ADARB2: variants seen among roughly 807,000 people sequenced by gnomAD.
The protein encoded by ADARB2 is inactive double-stranded RNA-specific editase B2.
A neutral mutation model predicts 62.2 loss-of-function variants in ADARB2; 25 were observed. That is an observed-to-expected ratio of 0.40 (90% confidence interval 0.29 to 0.56). ADARB2 has a LOEUF of 0.56. Among genes scored for constraint, ADARB2 ranks in the 20% least tolerant of loss-of-function variants. The pLI is 0.43. For synonymous variants in ADARB2, 572 were observed against 500.8 expected, an observed-to-expected ratio of 1.14 and a Z score of -1.90; for missense variants, 1,071 against 1,077.4, an observed-to-expected ratio of 0.99 and a Z score of 0.08.
intron 1 of ADARB2, among the ~76,000 whole-genome samples, chr10:1,417,492 A>G (rs1832815071): frequency 6.6e-6 from 1 of 152,198 alleles, no homozygotes; most frequent in Non-Finnish European, 1.5e-5. Flanking sequence ...AGGGTTGTGG[A>G]AGGATGGATT....
At chr10:1,473,224 T>C (rs1032493793) in intron 1 of ADARB2, among the ~76,000 whole-genome samples, 2 of 152,228 alleles carry the variant, frequency 1.3e-5, no homozygotes, top group Admixed American at 1.3e-4. Context: ...CTCTCACTCC[T>C]GCTCTAAAAC....
At chr10:1,553,766 A>C (rs1832662339) in intron 1 of ADARB2, among the ~76,000 whole-genome samples, 1 of 152,154 alleles carries the variant, frequency 6.6e-6, no homozygotes, top group East Asian at 1.9e-4. Context: ...CAGGCAGAAG[A>C]CACTTGTGCT....
At chr10:1,567,454 C>T (rs1328466434) in intron 1 of ADARB2, among the ~76,000 whole-genome samples, 1 of 152,162 alleles carries the variant, frequency 6.6e-6, no homozygotes, top group Non-Finnish European at 1.5e-5. Flanking sequence ...AGGTCTGTCC[C>T]TCCCACTCTC....
At chr10:1,612,780 A>G (rs1833587914) in intron 1 of ADARB2, among the ~76,000 whole-genome samples, 1 of 152,162 alleles carries the variant, frequency 6.6e-6, no homozygotes, top group Non-Finnish European at 1.5e-5. Flanking sequence ...GTTTTTATTT[A>G]TAAGGGCTAC....
Position 1,180,799 on chromosome 10 carries a change from A to G in ADARB2, c.*2394T>C, listed in dbSNP as rs1836664264. The G allele has an allele frequency of 6.6e-6, 1 of 152,164 alleles. No individual in the cohort carries two copies. The highest frequency in any genetic ancestry group is 6.5e-5 in the Admixed American group (1 of 15,270). 9.4% of individuals were successfully genotyped at this position (152,164 alleles called of 1,614,324 possible). A position where few individuals can be genotyped will look rare whatever the true frequency, so the allele number is the denominator to read the frequency against. ...CTGAAGAGCTTTAATCTCTCCTTCC[A>G]TGGAGTCTCCTGTGGACTTAATACA... On this transcript the variant is annotated 3_prime_UTR_variant, in exon 10 of 10. Transcript: ENST00000381312.
intron 1 of ADARB2, among the ~76,000 whole-genome samples, chr10:1,621,800 T>A (rs1204693467): frequency 6.6e-6 from 1 of 152,210 alleles, no homozygotes; most frequent in African/African-American, 2.4e-5. Context: ...TCCCAAATTA[T>A]CCATGGATTC....
At chr10:1,387,270 G>C (rs1363115491) in intron 1 of ADARB2, among the ~76,000 whole-genome samples, 1 of 151,666 alleles carries the variant, frequency 6.6e-6, no homozygotes, top group African/African-American at 2.4e-5. Flanking sequence ...TTAATAGTAG[G>C]AGTCAAAATA....
At chr10:1,514,365 C>T (rs1051335477) in intron 1 of ADARB2, among the ~76,000 whole-genome samples, 5 of 151,582 alleles carry the variant, frequency 3.3e-5, no homozygotes, top group African/African-American at 9.7e-5. Context: ...GGGTAACAGC[C>T]GTCAGTTCTC....
intron 3 of ADARB2, among the ~76,000 whole-genome samples, chr10:1,273,113 T>C (rs1343319505): frequency 1.3e-5 from 2 of 152,206 alleles, no homozygotes; most frequent in African/African-American, 4.8e-5. Context: ...GATGAGGCCA[T>C]CTCAAAGTCC....
chr10:1,331,991 G>T (rs1039536761), intron 3 of ADARB2, among the ~76,000 whole-genome samples: 1 of 152,212 alleles, frequency 6.6e-6, no homozygotes, highest in Admixed American at 6.5e-5. Flanking sequence ...TACTCCTGCA[G>T]TTGTCAGATT....
intron 1 of ADARB2, among the ~76,000 whole-genome samples, chr10:1,730,818 AAC>A (rs971700218): frequency 2.6e-5 from 4 of 152,214 alleles, no homozygotes; most frequent in African/African-American, 9.6e-5. Flanking sequence ...TGTAATTTAA[AAC>A]AGATGATACT....
intron 1 of ADARB2, among the ~76,000 whole-genome samples, chr10:1,399,716 A>G (rs985201774): frequency 6.6e-6 from 1 of 152,196 alleles, no homozygotes; most frequent in Non-Finnish European, 1.5e-5. Context: ...TATTTGAAGG[A>G]TGTACCAGCT....
chr10:1,587,117 A>T (rs985344511), intron 1 of ADARB2, among the ~76,000 whole-genome samples: 5 of 152,352 alleles, frequency 3.3e-5, no homozygotes, highest in Non-Finnish European at 5.9e-5. Flanking sequence ...TTGTATACTC[A>T]TTTCCTTTAC....
At chr10:1,392,070 T>C (rs1167654843) in intron 1 of ADARB2, among the ~76,000 whole-genome samples, 1 of 152,150 alleles carries the variant, frequency 6.6e-6, no homozygotes, top group African/African-American at 2.4e-5. Flanking sequence ...CTGGTCAGAA[T>C]TTGATCTAAT....
intron 1 of ADARB2, among the ~76,000 whole-genome samples, chr10:1,604,918 G>A (rs991598916): frequency 1.3e-5 from 2 of 152,162 alleles, no homozygotes; most frequent in Non-Finnish European, 2.9e-5. Flanking sequence ...CTGCTATGAC[G>A]GAGATGCATA....
chr10:1,410,770 A>G (rs1832752815), intron 1 of ADARB2, among the ~76,000 whole-genome samples: 1 of 152,194 alleles, frequency 6.6e-6, no homozygotes, highest in African/African-American at 2.4e-5. Context: ...ATGAGCAGGA[A>G]TCGTCGGTGC....
chr10:1,183,139 A>G lies in ADARB2; in HGVS notation c.*54T>C, dbSNP rs1836702495. The G allele has an allele frequency of 6.3e-7, 1 of 1,579,088 alleles. No homozygotes were observed. The highest frequency in any genetic ancestry group is 1.1e-5 in the South Asian group (1 of 88,668). On this transcript the variant is annotated 3_prime_UTR_variant, in exon 10 of 10. Coordinates refer to ENST00000381312, the MANE Select transcript of ADARB2 (RefSeq NM_018702.4). ...CGACCCGCCACGTCGCCCCCCAGAC[A>G]CGGTCCCATCCCTCCAGCGTCCCGC...
intron 1 of ADARB2, among the ~76,000 whole-genome samples, chr10:1,693,425 C>T (rs4880912): frequency 0.76 from 114,996 of 152,124 alleles, 44,556 homozygotes; most frequent in East Asian, 0.97. Context: ...TCATCTTCTC[C>T]TCTCTCGTTT....
chr10:1,370,073 T>A (rs917169754), intron 2 of ADARB2, among the ~76,000 whole-genome samples: 1 of 152,202 alleles, frequency 6.6e-6, no homozygotes, highest in Admixed American at 6.5e-5. Context: ...GAATGCGTGA[T>A]TTCAGCAACA....
Sources: allele counts gnomAD v4.1 joint callset (sites outside exome capture counted in the v4.1 genomes callset), GRCh38; gene constraint gnomAD v4.1.1; transcripts MANE v1.5; gene names NCBI Gene and HGNC (gene_info 2026-07-23, HGNC 2026-07-21).